Variants in TAPT1 observed in about 807,000 individuals in gnomAD.
TAPT1 encodes transmembrane anterior posterior transformation protein 1 homolog.
TAPT1 carries 28 observed loss-of-function variants against 65.6 expected under a neutral mutation model. The observed-to-expected ratio is 0.43, with a 90% CI of 0.32 to 0.59. The LOEUF (loss-of-function observed/expected upper bound fraction) is 0.59. Ranked by LOEUF, TAPT1 falls within the 20% of genes least tolerant of loss-of-function variation. The probability of loss-of-function intolerance (pLI) is 0.09; values close to 1 mark genes in which losing one functional copy is unlikely to be tolerated. For synonymous variants in TAPT1, 278 were observed against 245.2 expected (o/e 1.13, Z -1.25); for missense variants, 563 against 679.9 (o/e 0.83, Z 1.91).
chr4:16,222,958 A>G (rs1371949037), intron 1 of TAPT1, among the ~76,000 whole-genome samples: 1 of 152,170 alleles, frequency 6.6e-6, no homozygotes. Flanking sequence ...ACCTATCCCC[A>G]TGCATCTCCA....
chr4:16,211,228 A>AC (rs35172918), intron 2 of TAPT1, among the ~76,000 whole-genome samples: 63,952 of 151,388 alleles, frequency 0.42, 13,992 homozygotes, highest in African/African-American at 0.54. Flanking sequence ...TTCATCGAAA[A>AC]AAGAAAAAAA....
chr4:16,224,528 C>A (rs921525956), intron 1 of TAPT1, among the ~76,000 whole-genome samples: 1 of 152,158 alleles, frequency 6.6e-6, no homozygotes, highest in Non-Finnish European at 1.5e-5. Flanking sequence ...TCACCTAAAT[C>A]CTGATCGCCA....
intron 3 of TAPT1, among the ~76,000 whole-genome samples, chr4:16,200,046 C>T (rs1749942433): frequency 1.3e-5 from 2 of 152,318 alleles, no homozygotes; most frequent in Admixed American, 6.5e-5. Flanking sequence ...CCCTTGGGAT[C>T]ACTGGCAAAT....
intron 9 of TAPT1, chr4:16,175,160 G>T (rs1024942067): frequency 6.6e-6 from 1 of 152,186 alleles, no homozygotes; most frequent in Non-Finnish European, 1.5e-5. Context: ...CTAAGTTAGG[G>T]AACATAGTAA....
At chr4:16,190,908 A>T (rs1171679644) in intron 4 of TAPT1, 1 of 155,864 alleles carries the variant, frequency 6.4e-6, no homozygotes, top group Non-Finnish European at 1.4e-5. Context: ...TAAAATGTGT[A>T]TTTCTTACAG....
At chr4:16,172,507 C>T (rs1748067947) in intron 11 of TAPT1, among the ~76,000 whole-genome samples, 1 of 148,844 alleles carries the variant, frequency 6.7e-6, no homozygotes, top group African/African-American at 2.5e-5. Flanking sequence ...TAGAAGCCTC[C>T]ATTTTTCCAA....
intron 9 of TAPT1, 62 bp from the exon 10 acceptor site, chr4:16,174,791 T>G: frequency 8.7e-7 from 1 of 1,154,298 alleles, no homozygotes; most frequent in Non-Finnish European, 1.2e-6. Flanking sequence ...GTGGAAAGAC[T>G]GCAACTTTAT....
At chr4:16,175,355 A>G (rs1748256257) in intron 9 of TAPT1, among the ~76,000 whole-genome samples, 1 of 152,134 alleles carries the variant, frequency 6.6e-6, no homozygotes, top group Non-Finnish European at 1.5e-5. Flanking sequence ...AAAGTACAAA[A>G]CTGTATTTAC....
In TAPT1 at chr4:16,163,092, G is replaced by T; in HGVS notation, c.*216C>A. 1 of 625,038 alleles carries T rather than the reference G, an allele frequency of 1.6e-6. No homozygotes were observed. The highest frequency in any genetic ancestry group is 1.5e-5 in the South Asian group (1 of 66,024). 38.7% of individuals were successfully genotyped at this position (625,038 alleles called of 1,614,324 possible). On this transcript the variant is annotated 3_prime_UTR_variant, in exon 14 of 14. Transcript: ENST00000405303. ...AGGAGGAAGTTTTATAATCCATCAA[G>T]CTTCCCAGACAGTCAAGGCCGGAGG...
At chr4:16,207,749 C>G (rs1269738030) in intron 2 of TAPT1, among the ~76,000 whole-genome samples, 1 of 152,188 alleles carries the variant, frequency 6.6e-6, no homozygotes, top group African/African-American at 2.4e-5. Flanking sequence ...CAATAATAGT[C>G]TATGCCTAGT....
chr4:16,163,224 T>A lies in TAPT1; in HGVS notation c.*84A>T. On this transcript the variant is annotated 3_prime_UTR_variant, in exon 14 of 14. Transcript: ENST00000405303. The stretch of plus-strand genomic sequence containing the variant: ...TTAAGTTTTTAAATAAATATTTAAG[T>A]GCCATGTTTAGCATCTATTTGTCCT... The A allele has an allele frequency of 2.1e-6, 2 of 930,416 alleles. No homozygotes were observed. The highest frequency in any genetic ancestry group is 2.9e-5 in the South Asian group (2 of 69,430). 57.6% of individuals were successfully genotyped at this position (930,416 alleles called of 1,614,324 possible). A position where few individuals can be genotyped will look rare whatever the true frequency, so the allele number is the denominator to read the frequency against.
chr4:16,202,694 T>C, intron 2 of TAPT1, 114 bp from the exon 3 acceptor site: 2 of 582,118 alleles, frequency 3.4e-6, no homozygotes, highest in Non-Finnish European at 6.0e-6. Flanking sequence ...TTCTTAAAAC[T>C]TAGCCCTGGG....
At chr4:16,191,570 T>G (rs1749375075) in intron 3 of TAPT1, 47 bp from the exon 4 acceptor site, 2 of 1,508,706 alleles carry the variant, frequency 1.3e-6, no homozygotes, top group Non-Finnish European at 1.8e-6. Context: ...ACTCTGTATG[T>G]TCTCACAAAA....
chr4:16,166,623 C>T lies in TAPT1; in HGVS notation c.1474+10G>A, dbSNP rs2271748. Reference sequence around the variant, plus strand: ...TGATCCAGGGAAGTGAAGAAAGGGACCAAACCTACCTTGAGAGGGTTTACA... The same window carrying T: ...TGATCCAGGGAAGTGAAGAAAGGGATCAAACCTACCTTGAGAGGGTTTACA... On this transcript the variant is annotated intron_variant, in intron 13 of 13. Coordinates refer to ENST00000405303, the MANE Select transcript of TAPT1 (RefSeq NM_153365.3). The T allele has an allele frequency of 0.025, 39,937 of 1,611,980 alleles. 577 individuals carry two copies. Among genetic ancestry groups the T allele is most frequent in the Non-Finnish European group, 0.026 (31,108 of 1,178,338 alleles).
At chr4:16,218,123 C>T (rs577151706) in intron 1 of TAPT1, among the ~76,000 whole-genome samples, 3 of 152,306 alleles carry the variant, frequency 2.0e-5, no homozygotes, top group South Asian at 2.1e-4. Context: ...TTATTTGGGG[C>T]CGGGCATAGT....
At chr4:16,200,077 C>T (rs1220379445) in intron 3 of TAPT1, among the ~76,000 whole-genome samples, 1 of 152,134 alleles carries the variant, frequency 6.6e-6, no homozygotes, top group East Asian at 1.9e-4. Flanking sequence ...ACTTAGTATA[C>T]CTCATACGTG....
At chr4:16,180,522 C>T (rs1438861671) in intron 7 of TAPT1, among the ~76,000 whole-genome samples, 1 of 152,168 alleles carries the variant, frequency 6.6e-6, no homozygotes, top group Middle Eastern at 3.2e-3. Flanking sequence ...TTTCCCACTG[C>T]CTCAGTAAAT....
intron 7 of TAPT1, among the ~76,000 whole-genome samples, chr4:16,183,553 T>C (rs1003391289): frequency 1.3e-5 from 2 of 152,164 alleles, no homozygotes; most frequent in Admixed American, 6.5e-5. Context: ...ACATTCACAA[T>C]TTCCCCCTCA....
At chr4:16,194,084 G>A (rs77286336) in intron 3 of TAPT1, among the ~76,000 whole-genome samples, 3,431 of 152,148 alleles carry the variant, frequency 0.023, 130 homozygotes, top group African/African-American at 0.078. Flanking sequence ...AAAGAACAAC[G>A]TGTTAGTATA....
Sources: allele counts gnomAD v4.1 joint callset (sites outside exome capture counted in the v4.1 genomes callset), GRCh38; gene constraint gnomAD v4.1.1; transcripts MANE v1.5; gene names NCBI Gene and HGNC (gene_info 2026-07-23, HGNC 2026-07-21).